The following RIMS4 variants were observed in gnomAD, a reference collection of about 807,000 sequenced individuals.
RIMS4 encodes regulating synaptic membrane exocytosis protein 4.
A neutral mutation model predicts 29.0 loss-of-function variants in RIMS4; 9 were observed. The observed-to-expected ratio is 0.31, with a 90% CI of 0.19 to 0.54. The LOEUF (loss-of-function observed/expected upper bound fraction) is 0.54, where lower values mean the gene tolerates loss of function less well. Among genes scored for constraint, RIMS4 ranks in the 20% least tolerant of loss-of-function variants. The pLI is 0.94. For synonymous variants in RIMS4, 130 were observed against 152.9 expected (o/e 0.85, Z 1.10); for missense variants, 193 against 365.7 (o/e 0.53, Z 3.85).
intron 3 of RIMS4, 101 bp downstream of exon 3, chr20:44,757,971 G>C: frequency 2.9e-6 from 3 of 1,018,566 alleles, no homozygotes; most frequent in Non-Finnish European, 4.5e-6. Flanking sequence ...CATGCGCAGA[G>C]GATGGATCAA....
chr20:44,782,918 C>T (rs1317269857), intron 1 of RIMS4, among the ~76,000 whole-genome samples: 2 of 152,232 alleles, frequency 1.3e-5, no homozygotes, highest in Non-Finnish European at 2.9e-5. Context: ...CATGATAGCA[C>T]AGATCCATGT....
At chr20:44,791,181 G>A (rs1029883693) in intron 1 of RIMS4, among the ~76,000 whole-genome samples, 8 of 152,226 alleles carry the variant, frequency 5.3e-5, no homozygotes, top group African/African-American at 1.4e-4. Flanking sequence ...GTGTGCACGC[G>A]CACGCGCACA....
At chr20:44,804,164 T>C (rs1480162126) in intron 1 of RIMS4, among the ~76,000 whole-genome samples, 1 of 152,248 alleles carries the variant, frequency 6.6e-6, no homozygotes, top group Non-Finnish European at 1.5e-5. Context: ...TGGGTACATC[T>C]GCAACAGCAG....
intron 1 of RIMS4, among the ~76,000 whole-genome samples, chr20:44,774,988 C>G (rs763474796): frequency 1.3e-5 from 2 of 152,164 alleles, no homozygotes; most frequent in Non-Finnish European, 2.9e-5. Flanking sequence ...GCCCATCGAT[C>G]CATCAGGGCG....
chr20:44,802,967 T>C (rs915672386), intron 1 of RIMS4, among the ~76,000 whole-genome samples: 10 of 152,234 alleles, frequency 6.6e-5, no homozygotes, highest in Non-Finnish European at 1.2e-4. Context: ...TTCCCATTGC[T>C]GGCTCTTTGT....
intron 1 of RIMS4, among the ~76,000 whole-genome samples, chr20:44,792,743 G>A (rs1486651165): frequency 6.6e-6 from 1 of 152,140 alleles, no homozygotes; most frequent in Non-Finnish European, 1.5e-5. Context: ...AGAATACCTG[G>A]CATATATGAA....
intron 1 of RIMS4, among the ~76,000 whole-genome samples, chr20:44,803,208 C>G (rs2066284286): frequency 6.6e-6 from 1 of 152,188 alleles, no homozygotes; most frequent in Non-Finnish European, 1.5e-5. Context: ...ACCCTAGCAC[C>G]TAGAACATTA....
chr20:44,809,046 A>C (rs551792253), intron 1 of RIMS4, among the ~76,000 whole-genome samples: 7 of 151,960 alleles, frequency 4.6e-5, no homozygotes, highest in African/African-American at 1.7e-4. Context: ...GAATTCAAAG[A>C]CTCTCGGATT....
At chr20:44,758,752 A>G (rs1375899086) in intron 2 of RIMS4, among the ~76,000 whole-genome samples, 1 of 152,194 alleles carries the variant, frequency 6.6e-6, no homozygotes, top group Admixed American at 6.5e-5. Context: ...AGCCCAGTTC[A>G]GCCAACAAGA....
Position 44,756,121 on chromosome 20 carries a change from C to G in RIMS4, c.*13G>C, listed in dbSNP as rs764210254. On this transcript the variant is annotated 3_prime_UTR_variant, in exon 6 of 6. Transcript: ENST00000372851. This position sits in a 1 kb window ranked among gnomAD's most constrained non-coding sequence, Gnocchi z 5.9. The stretch of plus-strand genomic sequence containing the variant: ...CTCCAGGCCATCTTGGGGAGCCCCT[C>G]CCCATTCCAGCACTAAGATCGTTCT... 6.3e-7 allele frequency: 1 copy of G among 1,578,662 alleles called. No homozygotes were observed. Among genetic ancestry groups the G allele is most frequent in the Non-Finnish European group, 8.6e-7 (1 of 1,158,302 alleles).
intron 1 of RIMS4, among the ~76,000 whole-genome samples, chr20:44,785,005 G>A (rs775181988): frequency 1.3e-5 from 2 of 152,186 alleles, no homozygotes; most frequent in Non-Finnish European, 2.9e-5. Context: ...ACAACTCCTA[G>A]GTGAGGTCAA....
intron 1 of RIMS4, among the ~76,000 whole-genome samples, chr20:44,800,470 A>ATT (rs2145478583): frequency 6.6e-6 from 1 of 152,178 alleles, no homozygotes; most frequent in East Asian, 1.9e-4. Flanking sequence ...CTTCCCCCGG[A>ATT]TATTTTTCAT....
At chr20:44,789,706 C>A (rs928698353) in intron 1 of RIMS4, among the ~76,000 whole-genome samples, 1 of 152,186 alleles carries the variant, frequency 6.6e-6, no homozygotes, top group African/African-American at 2.4e-5. Context: ...TAAGCACACG[C>A]CACCACATCT....
At chr20:44,768,483 G>C (rs544533317) in intron 2 of RIMS4, among the ~76,000 whole-genome samples, 4 of 152,314 alleles carry the variant, frequency 2.6e-5, no homozygotes, top group South Asian at 4.1e-4. Flanking sequence ...TCCTGTTTCA[G>C]AGCCCGGCAT....
chr20:44,775,388 G>T (rs1326615934), intron 1 of RIMS4, among the ~76,000 whole-genome samples: 1 of 152,110 alleles, frequency 6.6e-6, no homozygotes, highest in Non-Finnish European at 1.5e-5. Context: ...GGGGTGTGGG[G>T]GTGTCTTTCT....
At chr20:44,790,018 C>A (rs1346285590) in intron 1 of RIMS4, among the ~76,000 whole-genome samples, 1 of 152,270 alleles carries the variant, frequency 6.6e-6, no homozygotes, top group South Asian at 2.1e-4. Context: ...GGGATGGGAA[C>A]TGAGCTGTGG....
chr20:44,789,210 C>T (rs1473362774), intron 1 of RIMS4, among the ~76,000 whole-genome samples: 1 of 152,074 alleles, frequency 6.6e-6, no homozygotes, highest in South Asian at 2.1e-4. Context: ...ATATTTTTTA[C>T]CTCCCAAATC....
In RIMS4 at chr20:44,756,435, C is replaced by A; in HGVS notation, c.592-83G>T. The A allele has an allele frequency of 1.8e-6, 2 of 1,103,460 alleles. No individual in the cohort carries two copies. The highest frequency in any genetic ancestry group is 2.7e-6 in the Non-Finnish European group (2 of 750,788). The allele number at this position is 1,103,460 out of a possible 1,614,324, so 68.4% of individuals were successfully genotyped here. On this transcript the variant is annotated intron_variant, in intron 5 of 5. Coordinates refer to ENST00000372851, the MANE Select transcript of RIMS4 (RefSeq NM_182970.4). The surrounding 1 kb of genome is among the most constrained non-coding windows in gnomAD (Gnocchi z 5.9). ...AGCAGAACCTGGGTCGCCCCATGCC[C>A]AATCCAGCTCAGTCCTGTGATTTCT...
intron 1 of RIMS4, among the ~76,000 whole-genome samples, chr20:44,806,344 G>C (rs1377112384): frequency 6.6e-6 from 1 of 152,198 alleles, no homozygotes; most frequent in Non-Finnish European, 1.5e-5. Context: ...AGGCCCCAAG[G>C]CAGAGTGTCA....
Sources: gnomAD v4.1 joint callset for allele counts (sites outside exome capture counted in the v4.1 genomes callset) on GRCh38, gnomAD v4.1.1 for gene constraint, Gnocchi (gnomAD v3.1) non-coding constraint, MANE v1.5 for transcripts, NCBI Gene and HGNC (gene_info 2026-07-23, HGNC 2026-07-21) for gene names.